Variants in MEP1B observed in about 807,000 individuals in gnomAD.
The protein encoded by MEP1B is meprin A subunit beta.
MEP1B carries 80 observed loss-of-function variants against 84.6 expected under a neutral mutation model. The observed-to-expected ratio is 0.95, with a 90% CI of 0.79 to 1.14. The LOEUF (loss-of-function observed/expected upper bound fraction) is 1.14. Ranked by LOEUF, MEP1B falls within the 50% of genes most tolerant of loss-of-function variation. The pLI, the probability that MEP1B is intolerant of heterozygous loss-of-function variation, is 0.00. For missense variants in MEP1B, 766 were observed against 855.1 expected (o/e 0.90, Z 1.30); for synonymous variants, 273 against 288.1 (o/e 0.95, Z 0.53).
intron 10 of MEP1B, among the ~76,000 whole-genome samples, chr18:32,212,110 T>A (rs1403651385): frequency 6.7e-6 from 1 of 149,180 alleles, no homozygotes; most frequent in Non-Finnish European, 1.5e-5. Flanking sequence ...AATATTATAT[T>A]TTATGTATTA....
intron 10 of MEP1B, among the ~76,000 whole-genome samples, chr18:32,212,570 C>A (rs1018065809): frequency 1.3e-5 from 2 of 152,102 alleles, no homozygotes; most frequent in African/African-American, 4.8e-5. Context: ...TAAATACTTA[C>A]AATGCTGAGT....
chr18:32,209,338 T>C (rs1397898244), intron 9 of MEP1B, among the ~76,000 whole-genome samples: 1 of 151,964 alleles, frequency 6.6e-6, no homozygotes, highest in East Asian at 1.9e-4. Context: ...AATGCAAAAA[T>C]TAGCTGGGTG....
At chr18:32,191,285 T>C (rs927052079) in intron 1 of MEP1B, among the ~76,000 whole-genome samples, 2 of 151,534 alleles carry the variant, frequency 1.3e-5, no homozygotes, top group African/African-American at 2.4e-5. Context: ...AGAAAAAAAA[T>C]TAATCACAAA....
chr18:32,191,557 C>G (rs1003672351), intron 1 of MEP1B, among the ~76,000 whole-genome samples: 1 of 151,944 alleles, frequency 6.6e-6, no homozygotes, highest in Non-Finnish European at 1.5e-5. Flanking sequence ...CCTTTTCCCC[C>G]CCAATTTTTG....
At chr18:32,209,523 C>T (rs949671675) in intron 9 of MEP1B, among the ~76,000 whole-genome samples, 3 of 151,272 alleles carry the variant, frequency 2.0e-5, no homozygotes, top group East Asian at 1.9e-4. Context: ...TATATATACA[C>T]TCAAACCAGA....
chr18:32,202,897 G>T lies in MEP1B; in HGVS notation c.255G>T (p.Met85Ile). The part of the protein sequence containing the change: ...IPYVLEDSLE[M>I]NAKGVILNAF... ...TTGTTTGTTTTCTTCCTTCAGAAATGAATGCTAAGGGAGTTATCCTCAATG... is the reference window on the plus strand; with the variant it reads ...TTGTTTGTTTTCTTCCTTCAGAAATTAATGCTAAGGGAGTTATCCTCAATG... The change falls in exon 6 of 15, where the codon ATG becomes ATT. Residue 85 changes from methionine (M) to isoleucine (I), a missense_variant. Physicochemically the swap from Met to Ile is conservative, Grantham distance 10 (BLOSUM62 1). Coordinates refer to ENST00000269202, the MANE Select transcript of MEP1B (RefSeq NM_005925.3). The T allele has an allele frequency of 1.9e-6, 3 of 1,591,810 alleles. No homozygotes were observed. The highest frequency in any genetic ancestry group is 1.1e-5 in the South Asian group (1 of 88,998).
Position 32,213,268 on chromosome 18 carries a change from C to G in MEP1B, c.1288C>G (p.His430Asp), listed in dbSNP as rs1298723893. 4 of 1,613,870 alleles carry G rather than the reference C, an allele frequency of 2.5e-6. No homozygotes were observed. Among genetic ancestry groups the G allele is most frequent in the African/African-American group, 1.3e-5 (1 of 74,930 alleles). ...TCTTTCGGAAACACGGTGCCCTCATCATATCTGGCATATAAGGAATTTCAC... is the reference window on the plus strand; with the variant it reads ...TCTTTCGGAAACACGGTGCCCTCATGATATCTGGCATATAAGGAATTTCAC... ...INLSETRCPH[H>D]IWHIRNFTQF... The change falls in exon 11 of 15, where the codon CAT becomes GAT. Residue 430 changes from histidine (H) to aspartate (D), a missense_variant. Coordinates refer to ENST00000269202, the MANE Select transcript of MEP1B (RefSeq NM_005925.3).
At chr18:32,204,578 A>C (rs1319938502) in intron 7 of MEP1B, among the ~76,000 whole-genome samples, 1 of 152,144 alleles carries the variant, frequency 6.6e-6, no homozygotes, top group East Asian at 1.9e-4. Context: ...GTGGTTCTTA[A>C]AGCATATTCA....
At position 32,196,353 on chromosome 18, in the gene MEP1B, G is replaced by T. The variant is rs1486199957; in HGVS notation, c.250+868G>T. 1 of 701,738 alleles carries T rather than the reference G, an allele frequency of 1.4e-6. No homozygotes were observed. Among genetic ancestry groups the T allele is most frequent in the South Asian group, 1.5e-5 (1 of 67,456 alleles). The allele number at this position is 701,738 out of a possible 1,614,324, so 43.5% of individuals were successfully genotyped here. A position where few individuals can be genotyped will look rare whatever the true frequency, so the allele number is the denominator to read the frequency against. ...CATGCATGGCGCGCCGCAGGGCCAC[G>T]GCCAGCTGGGTCAGGCACTTGAGGT... On this transcript the variant is annotated intron_variant, in intron 5 of 14. Coordinates refer to ENST00000269202, the MANE Select transcript of MEP1B (RefSeq NM_005925.3). The surrounding 1 kb of genome is among the most constrained non-coding windows in gnomAD (Gnocchi z 4.4).
In MEP1B at chr18:32,213,249, G is replaced by A. The variant is rs7238073; in HGVS notation, c.1269G>A (p.Ser423=). The A allele has an allele frequency of 5.6e-3, 9,112 of 1,613,920 alleles. 414 individuals are homozygous for A. The African/African-American group carries it at 0.11, about 19-fold the overall frequency. ...TGTCTATTGATGACATCAATCTTTC[G>A]GAAACACGGTGCCCTCATCATATCT... The part of the protein sequence containing the change: ...GGLSIDDINL[S]ETRCPHHIWH... Residue 423 remains serine, a synonymous_variant, in exon 11 of 15, where the codon TCG becomes TCA. Coordinates refer to ENST00000269202, the MANE Select transcript of MEP1B (RefSeq NM_005925.3).
Position 32,217,066 on chromosome 18 carries a change from C to T in MEP1B, c.1835C>T (p.Thr612Ile). 1 of 1,613,972 alleles carries T rather than the reference C, an allele frequency of 6.2e-7. No homozygotes were observed. Among genetic ancestry groups the T allele is most frequent in the Non-Finnish European group, 8.5e-7 (1 of 1,179,876 alleles). The change falls in exon 13 of 15, where the codon ACC becomes ATC. Residue 612 changes from threonine (T) to isoleucine (I), a missense_variant. Transcript: ENST00000269202. ...GTTCAAGACCTCTGCTCAAAAACCACCTGTAAAAATGACGGTGTCTGCACT... is the reference window on the plus strand; with the variant it reads ...GTTCAAGACCTCTGCTCAAAAACCATCTGTAAAAATGACGGTGTCTGCACT... ...PSVQDLCSKT[T>I]CKNDGVCTVR...
intron 14 of MEP1B, 37 bp from the exon 15 acceptor site, chr18:32,220,194 T>C (rs776516880): frequency 6.3e-7 from 1 of 1,575,096 alleles, no homozygotes; most frequent in East Asian, 2.3e-5. Context: ...TTTTTAAATT[T>C]AGAAATTAAA....
intron 12 of MEP1B, among the ~76,000 whole-genome samples, chr18:32,216,641 T>G (rs2041092448): frequency 6.6e-6 from 1 of 152,212 alleles, no homozygotes; most frequent in Admixed American, 6.5e-5. Context: ...CTAGTTTCCC[T>G]TTGCCTAGTT....
intron 5 of MEP1B, 112 bp from the exon 6 acceptor site, chr18:32,202,781 A>G (rs1598891008): frequency 1.5e-6 from 1 of 645,828 alleles, no homozygotes; most frequent in East Asian, 2.7e-5. Context: ...CTCAACATTC[A>G]TGAAGGGACT....
chr18:32,217,095 C>T lies in MEP1B; in HGVS notation c.1864C>T (p.Arg622Ter), dbSNP rs201834412. The change falls in exon 13 of 15, where the codon CGA (arginine) becomes TGA (stop). Residue 622 changes from arginine (R) to a stop codon, truncating the protein, a stop_gained. Coordinates refer to ENST00000269202, the MANE Select transcript of MEP1B (RefSeq NM_005925.3). LOFTEE classifies it high-confidence loss of function. ...TAAAAATGACGGTGTCTGCACTGTTCGAGATGGCAAAGCTGAGTGCAGGTA... is the reference window on the plus strand; with the variant it reads ...TAAAAATGACGGTGTCTGCACTGTTTGAGATGGCAAAGCTGAGTGCAGGTA... The part of the protein sequence containing the change: ...TCKNDGVCTV[R>*]DGKAECRCQS... 11 of 1,613,750 alleles carry T rather than the reference C, an allele frequency of 6.8e-6. No individual in the cohort carries two copies. The highest frequency in any genetic ancestry group is 4.4e-5 in the South Asian group (4 of 91,050).
Position 32,196,370 on chromosome 18 carries a change from A to G in MEP1B, c.250+885A>G, listed in dbSNP as rs1214221731. 5.7e-6 allele frequency: 4 copies of G among 700,558 alleles called. No individual in the cohort carries two copies. Among genetic ancestry groups the G allele is most frequent in the African/African-American group, 5.3e-5 (3 of 56,984 alleles). The allele number at this position is 700,558 out of a possible 1,614,324, so 43.4% of individuals were successfully genotyped here. A position where few individuals can be genotyped will look rare whatever the true frequency, so the allele number is the denominator to read the frequency against. On this transcript the variant is annotated intron_variant, in intron 5 of 14. Transcript: ENST00000269202. The surrounding 1 kb of genome is among the most constrained non-coding windows in gnomAD (Gnocchi z 4.4). ...AGGGCCACGGCCAGCTGGGTCAGGCACTTGAGGTACTCAGAGCTCTCCTTG... is the reference window on the plus strand; with the variant it reads ...AGGGCCACGGCCAGCTGGGTCAGGCGCTTGAGGTACTCAGAGCTCTCCTTG...
rs2040860611 is a variant in MEP1B, at chr18:32,196,805, C to T, written c.250+1320C>T. On this transcript the variant is annotated intron_variant, in intron 5 of 14. Transcript: ENST00000269202. The surrounding 1 kb of genome is among the most constrained non-coding windows in gnomAD (Gnocchi z 4.4). The stretch of plus-strand genomic sequence containing the variant: ...TGGGGTGCTCGATGCCCATCACCCG[C>T]ACGCTCATCAGCACTGCCTTCTGCT... The T allele has an allele frequency of 4.7e-6, 3 of 644,626 alleles. No individual in the cohort carries two copies. The highest frequency in any genetic ancestry group is 3.4e-5 in the South Asian group (2 of 58,766). 39.9% of individuals were successfully genotyped at this position (644,626 alleles called of 1,614,324 possible). A position where few individuals can be genotyped will look rare whatever the true frequency, so the allele number is the denominator to read the frequency against.
intron 11 of MEP1B, among the ~76,000 whole-genome samples, chr18:32,214,075 G>A (rs1324231474): frequency 2.0e-5 from 3 of 152,136 alleles, no homozygotes; most frequent in South Asian, 4.1e-4. Flanking sequence ...CCTTGTTCAC[G>A]TCACTGGGAT....
At chr18:32,206,508 C>T (rs1411222955) in intron 7 of MEP1B, among the ~76,000 whole-genome samples, 1 of 151,614 alleles carries the variant, frequency 6.6e-6, no homozygotes, top group Non-Finnish European at 1.5e-5. Context: ...CAGCTCACTG[C>T]AGGCTCGACT....
Sources: allele counts gnomAD v4.1 joint callset (sites outside exome capture counted in the v4.1 genomes callset), GRCh38; gene constraint gnomAD v4.1.1; non-coding constraint Gnocchi (gnomAD v3.1); transcripts MANE v1.5; gene names NCBI Gene and HGNC (gene_info 2026-07-23, HGNC 2026-07-21).